SEL1L2: variants seen among roughly 807,000 people sequenced by gnomAD.
The protein encoded by SEL1L2 is protein sel-1 homolog 2.
In SEL1L2, 89 loss-of-function variants were observed where a neutral mutation model predicts 98.8. That is an observed-to-expected ratio of 0.90 (90% CI 0.76 to 1.07). The LOEUF (loss-of-function observed/expected upper bound fraction) is 1.07. Ranked by LOEUF, SEL1L2 falls within the 50% of genes least tolerant of loss-of-function variation. The pLI, the probability that SEL1L2 is intolerant of heterozygous loss-of-function variation, is 0.00. For missense variants in SEL1L2, 788 were observed against 812.0 expected (o/e 0.97, Z 0.36); for synonymous variants, 262 against 278.5 (o/e 0.94, Z 0.59).
intron 2 of SEL1L2, among the ~76,000 whole-genome samples, chr20:13,945,113 G>A (rs980787823): frequency 6.6e-6 from 1 of 152,132 alleles, no homozygotes; most frequent in East Asian, 1.9e-4. Context: ...TGGAGTGCAA[G>A]GGGAATAACT....
At chr20:13,989,341 C>A (rs1210183937) in intron 1 of SEL1L2, among the ~76,000 whole-genome samples, 1 of 151,964 alleles carries the variant, frequency 6.6e-6, no homozygotes, top group African/African-American at 2.4e-5. Context: ...TTATGGAGCT[C>A]ATTTATTAGT....
chr20:13,908,499 C>T (rs543922196), intron 5 of SEL1L2, among the ~76,000 whole-genome samples: 1 of 152,248 alleles, frequency 6.6e-6, no homozygotes, highest in African/African-American at 2.4e-5. Flanking sequence ...CTATTGAGGA[C>T]AGTTCATCAA....
intron 10 of SEL1L2, among the ~76,000 whole-genome samples, chr20:13,883,702 G>A (rs2046817702): frequency 6.6e-6 from 1 of 152,234 alleles, no homozygotes. Flanking sequence ...GGCAGCTGCA[G>A]CTGCCATCTG....
intron 2 of SEL1L2, among the ~76,000 whole-genome samples, chr20:13,943,722 T>G (rs893411703): frequency 1.3e-5 from 2 of 152,158 alleles, no homozygotes; most frequent in Non-Finnish European, 2.9e-5. Context: ...AGTTAAGTAA[T>G]GAGCAAGTTT....
At chr20:13,895,005 A>G (rs1486684038) in intron 5 of SEL1L2, among the ~76,000 whole-genome samples, 1 of 152,224 alleles carries the variant, frequency 6.6e-6, no homozygotes, top group Non-Finnish European at 1.5e-5. Flanking sequence ...AGACACTACA[A>G]GAAAACCATA....
chr20:13,867,938 C>T (rs1326215394), intron 14 of SEL1L2, among the ~76,000 whole-genome samples: 2 of 151,984 alleles, frequency 1.3e-5, no homozygotes, highest in Non-Finnish European at 2.9e-5. Flanking sequence ...GATGTGACCT[C>T]CTTGATGATG....
intron 5 of SEL1L2, among the ~76,000 whole-genome samples, chr20:13,901,281 A>G (rs1161660425): frequency 6.6e-6 from 1 of 152,004 alleles, no homozygotes; most frequent in Non-Finnish European, 1.5e-5. Context: ...CGTGTTAGCC[A>G]GGATGGTCTC....
intron 14 of SEL1L2, among the ~76,000 whole-genome samples, chr20:13,867,732 T>C (rs17263416): frequency 0.075 from 11,463 of 152,188 alleles, 490 homozygotes; most frequent in East Asian, 0.15. Flanking sequence ...AGTTAAAACA[T>C]ACGAAGACTT....
chr20:13,985,174 T>A (rs2052101637), intron 1 of SEL1L2, among the ~76,000 whole-genome samples: 1 of 152,150 alleles, frequency 6.6e-6, no homozygotes, highest in East Asian at 1.9e-4. Flanking sequence ...ATTCTATTCA[T>A]GTTCTTCAAG....
intron 4 of SEL1L2, among the ~76,000 whole-genome samples, chr20:13,918,679 C>T (rs1003713959): frequency 1.3e-5 from 2 of 152,196 alleles, no homozygotes; most frequent in African/African-American, 4.8e-5. Flanking sequence ...ATTTTTAATA[C>T]AACAACTTGC....
chr20:13,959,066 A>G (rs1211321253), intron 1 of SEL1L2, among the ~76,000 whole-genome samples: 2 of 152,226 alleles, frequency 1.3e-5, no homozygotes, highest in Non-Finnish European at 2.9e-5. Flanking sequence ...AAGTTGCCAA[A>G]GAACTTAACG....
chr20:13,868,197 C>T (rs1400708358), intron 14 of SEL1L2, among the ~76,000 whole-genome samples: 1 of 151,794 alleles, frequency 6.6e-6, no homozygotes, highest in Admixed American at 6.6e-5. Context: ...ACCTCTCTCC[C>T]CATCCCATTC....
At chr20:13,953,172 G>A (rs1264339391) in intron 2 of SEL1L2, among the ~76,000 whole-genome samples, 1 of 152,186 alleles carries the variant, frequency 6.6e-6, no homozygotes, top group African/African-American at 2.4e-5. Flanking sequence ...TTTTTTTACA[G>A]TCGGGCTTTT....
intron 2 of SEL1L2, among the ~76,000 whole-genome samples, chr20:13,953,106 T>C (rs2050350548): frequency 2.0e-5 from 3 of 152,300 alleles, no homozygotes; most frequent in Middle Eastern, 3.4e-3. Context: ...TGGCTTAGGA[T>C]TGGGCTCAGG....
intron 12 of SEL1L2, among the ~76,000 whole-genome samples, chr20:13,872,439 G>C (rs558483765): frequency 1.1e-3 from 166 of 152,234 alleles, no homozygotes; most frequent in Admixed American, 3.4e-3. Context: ...TCTCCTTGCT[G>C]CCGCCATGTG....
intron 3 of SEL1L2, among the ~76,000 whole-genome samples, chr20:13,929,840 G>C (rs992028364): frequency 1.8e-4 from 27 of 151,836 alleles, no homozygotes; most frequent in African/African-American, 6.5e-4. Context: ...GCCCAGGCTG[G>C]AGTGCAGTGG....
At chr20:13,916,670 G>T (rs774773723) in intron 4 of SEL1L2, among the ~76,000 whole-genome samples, 29 of 152,130 alleles carry the variant, frequency 1.9e-4, no homozygotes, top group Non-Finnish European at 3.8e-4. Flanking sequence ...GCCGGGTGTG[G>T]TGGTGGGCAC....
intron 17 of SEL1L2, 104 bp downstream of exon 17, chr20:13,865,063 C>T: frequency 1.2e-6 from 1 of 805,868 alleles, no homozygotes; most frequent in Non-Finnish European, 2.1e-6. Context: ...ACTTGATATT[C>T]TACCCTTTGC....
At chr20:13,950,190 T>C (rs75892083) in intron 2 of SEL1L2, among the ~76,000 whole-genome samples, 2,335 of 152,118 alleles carry the variant, frequency 0.015, 58 homozygotes, top group African/African-American at 0.054. Context: ...TGGAGAGGTT[T>C]TTGTTTTTTT....
Sources: gnomAD v4.1 joint callset for allele counts (sites outside exome capture counted in the v4.1 genomes callset) on GRCh38, gnomAD v4.1.1 for gene constraint, MANE v1.5 for transcripts, NCBI Gene and HGNC (gene_info 2026-07-23, HGNC 2026-07-21) for gene names.